The following ANOS1 variants were observed in gnomAD, a reference collection of about 807,000 sequenced individuals.
The protein encoded by ANOS1 is anosmin 1.
ANOS1 carries 6 observed loss-of-function variants against 59.0 expected under a neutral mutation model. The observed-to-expected ratio is 0.10, with a 90% CI of 0.06 to 0.20. The LOEUF (loss-of-function observed/expected upper bound fraction) is 0.20, where lower values mean the gene tolerates loss of function less well. ANOS1 is among the 10% of genes least tolerant of loss of function. ANOS1 has a pLI of 1.00. For missense variants in ANOS1, 433 were observed against 542.3 expected, an observed-to-expected ratio of 0.80 and a Z score of 2.00; for synonymous variants, 217 against 223.4, an observed-to-expected ratio of 0.97 and a Z score of 0.25.
intron 6 of ANOS1, among the ~76,000 whole-genome samples, chrX:8,580,531 A>C (rs2146813981): frequency 8.9e-6 from 1 of 112,159 alleles, no homozygotes; most frequent in East Asian, 2.8e-4. Context: ...AAAATAGTTA[A>C]TGTTGAGTTA....
chrX:8,705,556 C>T (rs1184489324), intron 1 of ANOS1, among the ~76,000 whole-genome samples: 1 of 111,441 alleles, frequency 9.0e-6, no homozygotes, highest in Non-Finnish European at 1.9e-5. Context: ...TGCCAATAAA[C>T]CCCCGATTAA....
intron 3 of ANOS1, among the ~76,000 whole-genome samples, chrX:8,610,811 T>C (rs186052893): frequency 9.0e-6 from 1 of 111,062 alleles, no homozygotes; most frequent in East Asian, 2.8e-4. Flanking sequence ...TAAAAGAAAC[T>C]TTTAAAAATA....
At chrX:8,545,367 AGAAAG>A (rs1218047311) in intron 9 of ANOS1, among the ~76,000 whole-genome samples, 1 of 98,083 alleles carries the variant, frequency 1.0e-5, no homozygotes, top group African/African-American at 4.2e-5. Flanking sequence ...GGAGGGAGGA[AGAAAG>A]GAAAGGAAAG....
At chrX:8,555,768 A>C (rs1331160045) in intron 8 of ANOS1, among the ~76,000 whole-genome samples, 1 of 112,636 alleles carries the variant, frequency 8.9e-6, no homozygotes, top group Non-Finnish European at 1.9e-5. Context: ...CAGAGATACA[A>C]ACAGGAGCTG....
intron 2 of ANOS1, among the ~76,000 whole-genome samples, chrX:8,694,457 C>T (rs1932654186): frequency 8.9e-6 from 1 of 112,037 alleles, no homozygotes; most frequent in African/African-American, 3.2e-5. Flanking sequence ...TCACTTGAGG[C>T]CAGGAGTTTG....
At chrX:8,590,058 T>G (rs4628425) in intron 4 of ANOS1, among the ~76,000 whole-genome samples, 35,226 of 110,364 alleles carry the variant, frequency 0.32, 4,326 homozygotes, top group South Asian at 0.43. Flanking sequence ...AATCTCTTTT[T>G]CTACTGTCCC....
intron 9 of ANOS1, among the ~76,000 whole-genome samples, chrX:8,546,476 G>A (rs190721660): frequency 1.6e-4 from 18 of 112,097 alleles, no homozygotes; most frequent in Admixed American, 4.7e-4. Context: ...TGGAAAATAC[G>A]AAACTCTAAT....
chrX:8,709,942 T>A (rs1435471736), intron 1 of ANOS1, among the ~76,000 whole-genome samples: 1 of 110,105 alleles, frequency 9.1e-6, no homozygotes, highest in Non-Finnish European at 1.9e-5. Flanking sequence ...TTTTTTTTTA[T>A]TTTTTTGAGA....
chrX:8,533,943 A>G (rs1467971283), intron 13 of ANOS1, among the ~76,000 whole-genome samples: 1 of 107,995 alleles, frequency 9.3e-6, no homozygotes, highest in East Asian at 2.9e-4. Flanking sequence ...CATAGGGGAA[A>G]ATGCAAGGAA....
At chrX:8,574,820 A>G (rs940768421) in intron 6 of ANOS1, among the ~76,000 whole-genome samples, 5 of 111,447 alleles carry the variant, frequency 4.5e-5, no homozygotes, top group Non-Finnish European at 9.4e-5. Flanking sequence ...AATACTCCTT[A>G]GTAAACTCCC....
chrX:8,709,953 T>TG (rs1463051816), intron 1 of ANOS1, among the ~76,000 whole-genome samples: 1 of 110,174 alleles, frequency 9.1e-6, no homozygotes, highest in East Asian at 2.9e-4. Flanking sequence ...TTTTTTGAGA[T>TG]GGAGTCTCGC....
chrX:8,685,659 A>AGAAAGAAG (rs1569082686), intron 2 of ANOS1, among the ~76,000 whole-genome samples: 1 of 102,756 alleles, frequency 9.7e-6, no homozygotes, highest in African/African-American at 3.6e-5. Flanking sequence ...AAAGAAAGAA[A>AGAAAGAAG]AAGAAAGGAA....
At chrX:8,601,180 C>A (rs5978913) in intron 3 of ANOS1, among the ~76,000 whole-genome samples, 36,885 of 87,404 alleles carry the variant, frequency 0.42, 5,638 homozygotes, top group South Asian at 0.5. Context: ...GCAACCAAAG[C>A]GAGACTTTGT....
chrX:8,690,466 A>G (rs1348224349), intron 2 of ANOS1, among the ~76,000 whole-genome samples: 1 of 112,155 alleles, frequency 8.9e-6, no homozygotes, highest in East Asian at 2.8e-4. Flanking sequence ...GATCCACTAC[A>G]TATTAGAATT....
intron 8 of ANOS1, among the ~76,000 whole-genome samples, chrX:8,557,652 G>A (rs754275644): frequency 2.7e-5 from 3 of 111,864 alleles, no homozygotes; most frequent in African/African-American, 6.5e-5. Context: ...TTAGAATGGC[G>A]ATCATTCAAA....
At chrX:8,554,456 C>T (rs1929909103) in intron 8 of ANOS1, among the ~76,000 whole-genome samples, 1 of 110,118 alleles carries the variant, frequency 9.1e-6, no homozygotes. Flanking sequence ...CCAGGAGATT[C>T]CCTCGGGTGC....
chrX:8,675,264 A>T (rs1270011555), intron 2 of ANOS1, among the ~76,000 whole-genome samples: 2 of 112,174 alleles, frequency 1.8e-5, no homozygotes, highest in African/African-American at 6.5e-5. Context: ...AACATAATGT[A>T]TTCCACATTT....
chrX:8,532,799 G>A lies in ANOS1; in HGVS notation c.*196C>T. The A allele has an allele frequency of 4.8e-6, 2 of 415,383 alleles. No homozygotes were observed. Among genetic ancestry groups the A allele is most frequent in the Non-Finnish European group, 8.5e-6 (2 of 235,577 alleles). The allele number at this position is 415,383 out of a possible 1,213,427, so 34.2% of individuals were successfully genotyped here. A position where few individuals can be genotyped will look rare whatever the true frequency, so the allele number is the denominator to read the frequency against. ...CCATGCTTGTAGGGAACTGGTGTCT[G>A]TCTTCACCAATCTACTGTTTCTCAC... On this transcript the variant is annotated 3_prime_UTR_variant, in exon 14 of 14. Coordinates refer to ENST00000262648, the MANE Select transcript of ANOS1 (RefSeq NM_000216.4).
chrX:8,710,365 T>C (rs1194919710), intron 1 of ANOS1, among the ~76,000 whole-genome samples: 1 of 112,083 alleles, frequency 8.9e-6, no homozygotes, highest in East Asian at 2.8e-4. Context: ...TTTTCATCAA[T>C]GGGCATTCCG....
Sources: allele counts gnomAD v4.1 joint callset (sites outside exome capture counted in the v4.1 genomes callset), GRCh38; gene constraint gnomAD v4.1.1; transcripts MANE v1.5; gene names NCBI Gene and HGNC (gene_info 2026-07-23, HGNC 2026-07-21).